The following VAV2 variants were observed in gnomAD, a reference collection of about 807,000 sequenced individuals.
The protein encoded by VAV2 is guanine nucleotide exchange factor VAV2.
A neutral mutation model predicts 132.5 loss-of-function variants in VAV2; 67 were observed. The observed-to-expected ratio is 0.51, with a 90% CI of 0.42 to 0.62. VAV2 has a LOEUF of 0.62. Among genes scored for constraint, VAV2 ranks in the 20% least tolerant of loss-of-function variants. The pLI, the probability that VAV2 is intolerant of heterozygous loss-of-function variation, is 0.00. For synonymous variants in VAV2, 492 were observed against 443.5 expected (o/e 1.11, Z -1.37); for missense variants, 938 against 1,153.6 (o/e 0.81, Z 2.71).
At chr9:133,901,047 G>A (rs954874966) in intron 2 of VAV2, among the ~76,000 whole-genome samples, 8 of 152,016 alleles carry the variant, frequency 5.3e-5, no homozygotes, top group Non-Finnish European at 8.8e-5. Flanking sequence ...TGATCTGCCC[G>A]CCTCAGCCTC....
rs59748267 is a variant in VAV2 at position 133,985,226 on chromosome 9, T to TTGTG, written c.204+6845_204+6848dup. 1.1e-3 allele frequency among the ~76,000 whole-genome samples: 151 copies of TTGTG among 137,240 alleles called. 1 individual carries two copies. The highest frequency in any genetic ancestry group is 2.5e-3 in the East Asian group (11 of 4,428). The allele number at this position is 137,240 out of a possible 152,430, so 90.0% of individuals were successfully genotyped here. On this transcript the variant is annotated intron_variant, in intron 1 of 29. Transcript: ENST00000371850. Reference sequence around the variant, plus strand: ...GCACACCTCATCCTATCTTGCCTTATTGTGTGTGTGTGTGTGTGTGTGTGT... The same window carrying TTGTG: ...GCACACCTCATCCTATCTTGCCTTATTGTGTGTGTGTGTGTGTGTGTGTGTGTGT...
In VAV2 at chr9:133,946,807, T is replaced by C. The variant is rs186617067; in HGVS notation, c.205-7588A>G. On this transcript the variant is annotated intron_variant, in intron 1 of 29. Transcript: ENST00000371850. ...AATAGCTTGATTACTATTCAACAGA[T>C]GCAGCTTGATGGAATGGATCAAATT... 2.0e-5 allele frequency among the ~76,000 whole-genome samples: 3 copies of C among 152,328 alleles called. No homozygotes were observed. In the East Asian group the frequency reaches 5.8e-4, roughly 29 times the overall value.
intron 9 of VAV2, among the ~76,000 whole-genome samples, chr9:133,799,880 C>A (rs917253462): frequency 6.6e-6 from 1 of 152,128 alleles, no homozygotes; most frequent in African/African-American, 2.4e-5. Context: ...CGAAAGTGAG[C>A]GGACAAGACA....
intron 2 of VAV2, among the ~76,000 whole-genome samples, chr9:133,901,496 C>T (rs10993848): frequency 0.07 from 10,652 of 152,318 alleles, 516 homozygotes; most frequent in South Asian, 0.1. Context: ...AGCCATGGCA[C>T]CACCTCGAGC....
chr9:133,767,489 G>T (rs1360673196), intron 29 of VAV2, among the ~76,000 whole-genome samples: 1 of 152,156 alleles, frequency 6.6e-6, no homozygotes, highest in East Asian at 1.9e-4. Flanking sequence ...AAGAGCCCAG[G>T]TATGTGCTTA....
At chr9:133,808,008 C>A (rs560414230) in intron 7 of VAV2, among the ~76,000 whole-genome samples, 1 of 152,266 alleles carries the variant, frequency 6.6e-6, no homozygotes, top group Non-Finnish European at 1.5e-5. Flanking sequence ...TTGGTCACCA[C>A]GTGGCACAGA....
chr9:133,774,993 C>T lies in VAV2; in HGVS notation c.2077G>A (p.Gly693Arg), dbSNP rs766448838. 5.0e-6 allele frequency: 8 copies of T among 1,613,554 alleles called. No homozygotes were observed. Among genetic ancestry groups the T allele is most frequent in the South Asian group, 1.1e-5 (1 of 91,070 alleles). The change falls in exon 25 of 30, where the codon GGG becomes AGG. Residue 693 changes from glycine to arginine, a missense_variant. Gly to Arg is a moderately radical substitution (Grantham distance 125, BLOSUM62 -2). Transcript: ENST00000371850. Reference protein sequence around the residue: ...TDNLLKSHASGTYLIRERPAE... With the variant: ...TDNLLKSHASRTYLIRERPAE... ...GGCCGCTCCCTGATCAGGTAGGTCCCGCTGGCGTGGGACTTGAGCAGGTTG... is the reference window on the plus strand; with the variant it reads ...GGCCGCTCCCTGATCAGGTAGGTCCTGCTGGCGTGGGACTTGAGCAGGTTG...
intron 1 of VAV2, among the ~76,000 whole-genome samples, chr9:133,986,222 T>G (rs1842852351): frequency 6.6e-6 from 1 of 152,218 alleles, no homozygotes; most frequent in Non-Finnish European, 1.5e-5. Context: ...CTGGACCACC[T>G]GCTAGGAGGC....
At chr9:133,889,678 G>A (rs1023318164) in intron 2 of VAV2, among the ~76,000 whole-genome samples, 3 of 152,152 alleles carry the variant, frequency 2.0e-5, no homozygotes, top group Non-Finnish European at 2.9e-5. Flanking sequence ...GACCGAGTGC[G>A]TCATGAAATC....
chr9:133,796,638 G>A (rs988659519), intron 10 of VAV2, 114 bp from the exon 11 acceptor site: 37 of 935,018 alleles, frequency 4.0e-5, no homozygotes, highest in Middle Eastern at 3.3e-4. Context: ...AGGCCCAGAC[G>A]TTTGGCCCTT....
At position 133,935,049 on chromosome 9, in the gene VAV2, G is replaced by A. The variant is rs533682273; in HGVS notation, c.321+4054C>T. Among the ~76,000 whole-genome samples, 220 of 135,094 alleles carry A rather than the reference G, an allele frequency of 1.6e-3. No homozygotes were observed. The highest frequency in any genetic ancestry group is 3.7e-3 in the Middle Eastern group (1 of 270). 88.6% of individuals were successfully genotyped at this position (135,094 alleles called of 152,430 possible). On this transcript the variant is annotated intron_variant, in intron 2 of 29. Coordinates refer to ENST00000371850, the MANE Select transcript of VAV2 (RefSeq NM_001134398.2). This position sits in a 1 kb window ranked among gnomAD's most constrained non-coding sequence, Gnocchi z 5.2. ...CTGACCAGCCCCACCCACCCCAGAC[G>A]ACAGTCAGTTCTGACTGCAGAGCTT...
intron 2 of VAV2, among the ~76,000 whole-genome samples, chr9:133,871,725 A>C (rs1838063410): frequency 6.6e-6 from 1 of 152,014 alleles, no homozygotes; most frequent in Non-Finnish European, 1.5e-5. Flanking sequence ...CACTGACCCT[A>C]TTTTGCCACT....
At chr9:133,793,370 G>A (rs571901554) in intron 12 of VAV2, among the ~76,000 whole-genome samples, 3 of 144,688 alleles carry the variant, frequency 2.1e-5, no homozygotes, top group Admixed American at 6.8e-5. Context: ...CATCCCTCCC[G>A]CCCTTCCTCG....
chr9:133,905,267 A>G (rs1839602776), intron 2 of VAV2, among the ~76,000 whole-genome samples: 1 of 4,230 alleles, frequency 2.4e-4, no homozygotes, highest in Non-Finnish European at 4.6e-4. Context: ...CATCTCTACT[A>G]AAAAAAAAAA....
chr9:133,891,258 GA>G (rs1838919634), intron 2 of VAV2, among the ~76,000 whole-genome samples: 1 of 142,556 alleles, frequency 7.0e-6, no homozygotes, highest in South Asian at 2.5e-4. Flanking sequence ...CTCTCAGCAG[GA>G]GGGATGGGGG....
intron 9 of VAV2, among the ~76,000 whole-genome samples, chr9:133,803,207 C>T (rs560048041): frequency 5.3e-5 from 8 of 152,340 alleles, no homozygotes; most frequent in African/African-American, 1.9e-4. Context: ...AGATCCCACC[C>T]AGCCCTGGGG....
chr9:133,956,643 T>C (rs1383218266), intron 1 of VAV2, among the ~76,000 whole-genome samples: 3 of 152,186 alleles, frequency 2.0e-5, no homozygotes, highest in Non-Finnish European at 2.9e-5. Flanking sequence ...AGCTGTACTT[T>C]CTGGAAATTC....
intron 1 of VAV2, among the ~76,000 whole-genome samples, chr9:133,970,931 T>C (rs868704380): frequency 7.2e-5 from 11 of 152,350 alleles, no homozygotes; most frequent in Middle Eastern, 3.4e-3. Context: ...CCCAAAGAGA[T>C]GACAGGCCAA....
At chr9:133,792,041 A>T (rs1588179909) in intron 12 of VAV2, among the ~76,000 whole-genome samples, 172 bp from the exon 13 acceptor site, 2 of 114,300 alleles carry the variant, frequency 1.7e-5, no homozygotes, top group South Asian at 2.9e-4. Flanking sequence ...TGTGTGTGTG[A>T]GCATGTGTGA....
Sources: allele counts gnomAD v4.1 joint callset (sites outside exome capture counted in the v4.1 genomes callset), GRCh38; gene constraint gnomAD v4.1.1; non-coding constraint Gnocchi (gnomAD v3.1); transcripts MANE v1.5; gene names NCBI Gene and HGNC (gene_info 2026-07-23, HGNC 2026-07-21).